DCDC2: variants seen among roughly 807,000 people sequenced by gnomAD.
DCDC2 encodes doublecortin domain-containing protein 2.
Under a neutral mutation model 50.2 loss-of-function variants are expected in DCDC2, and 40 were observed. The ratio of observed to expected loss-of-function variants is 0.80; its 90% CI spans 0.62 to 1.04. The LOEUF (loss-of-function observed/expected upper bound fraction) is 1.04, where lower values mean the gene tolerates loss of function less well. Among genes scored for constraint, DCDC2 ranks in the 50% least tolerant of loss-of-function variants. The pLI is 0.00. For missense variants in DCDC2, 570 were observed against 581.9 expected, an observed-to-expected ratio of 0.98 and a Z score of 0.21; for synonymous variants, 234 against 210.6, an observed-to-expected ratio of 1.11 and a Z score of -0.96.
chr6:24,241,048 A>G (rs2113791383), intron 7 of DCDC2, among the ~76,000 whole-genome samples: 1 of 152,306 alleles, frequency 6.6e-6, no homozygotes, highest in Middle Eastern at 3.4e-3. Flanking sequence ...AGGATTCAAG[A>G]ATTTGTCATT....
intron 7 of DCDC2, among the ~76,000 whole-genome samples, chr6:24,269,567 G>A (rs1458029459): frequency 6.6e-6 from 1 of 152,076 alleles, no homozygotes; most frequent in African/African-American, 2.4e-5. Context: ...TACATGGTAG[G>A]GACTCAATAA....
At chr6:24,200,420 C>T (rs1241239820) in intron 8 of DCDC2, among the ~76,000 whole-genome samples, 5 of 151,988 alleles carry the variant, frequency 3.3e-5, no homozygotes, top group East Asian at 1.9e-4. Flanking sequence ...GCTTCATAAG[C>T]GAAGGAGAAA....
upstream of DCDC2, among the ~76,000 whole-genome samples, chr6:24,358,837 A>ATTTTATTTATT (rs10634203): frequency 1.9e-5 from 1 of 51,726 alleles, no homozygotes; most frequent in Non-Finnish European, 3.2e-5. Flanking sequence ...ATATTTATAT[A>ATTTTATTTATT]TATATTTATA....
chr6:24,248,282 G>A (rs977579046), intron 7 of DCDC2, among the ~76,000 whole-genome samples: 6 of 152,150 alleles, frequency 3.9e-5, no homozygotes, highest in African/African-American at 4.8e-5. Flanking sequence ...GGTGCAGTGC[G>A]GGGGAGCAGT....
chr6:24,265,529 A>C (rs1481520330), intron 7 of DCDC2, among the ~76,000 whole-genome samples: 2 of 149,456 alleles, frequency 1.3e-5, no homozygotes, highest in African/African-American at 4.9e-5. Context: ...ACAAGTTTTA[A>C]AAAAACTCAA....
chr6:24,305,424 G>A (rs1759452787), intron 2 of DCDC2, among the ~76,000 whole-genome samples: 1 of 152,138 alleles, frequency 6.6e-6, no homozygotes, highest in East Asian at 1.9e-4. Flanking sequence ...TAGTATACCT[G>A]AATTGTAAAA....
intron 7 of DCDC2, among the ~76,000 whole-genome samples, chr6:24,263,338 A>T (rs1763052898): frequency 6.6e-6 from 1 of 152,244 alleles, no homozygotes. Context: ...GGACATCAAC[A>T]AACATCCAAA....
At chr6:24,235,407 T>TA (rs757742471) in intron 7 of DCDC2, among the ~76,000 whole-genome samples, 1 of 152,210 alleles carries the variant, frequency 6.6e-6, no homozygotes, top group South Asian at 2.1e-4. Context: ...AGCAAAATAC[T>TA]AACAAACCAA....
At chr6:24,259,034 T>G (rs909749525) in intron 7 of DCDC2, among the ~76,000 whole-genome samples, 2 of 152,206 alleles carry the variant, frequency 1.3e-5, no homozygotes, top group Non-Finnish European at 2.9e-5. Context: ...TCAGAGAACT[T>G]TTGTTCATAT....
At chr6:24,251,968 G>T (rs983014906) in intron 7 of DCDC2, among the ~76,000 whole-genome samples, 1 of 152,262 alleles carries the variant, frequency 6.6e-6, no homozygotes, top group East Asian at 1.9e-4. Flanking sequence ...CTGTCTAAAT[G>T]TAATAGCTTG....
At chr6:24,229,313 G>A (rs912333199) in intron 7 of DCDC2, among the ~76,000 whole-genome samples, 3 of 152,082 alleles carry the variant, frequency 2.0e-5, no homozygotes, top group South Asian at 2.1e-4. Flanking sequence ...CCTTAGAGCC[G>A]GCCATGGCTC....
rs561161720 is a variant in DCDC2, at chr6:24,234,276, T to C, written c.923-29174A>G. Among the ~76,000 whole-genome samples the C allele has an allele frequency of 1.1e-4, 17 of 151,134 alleles. No individual in the cohort carries two copies. The South Asian group carries it at 1.5e-3, about 13-fold the overall frequency. On this transcript the variant is annotated intron_variant, in intron 7 of 9. Transcript: ENST00000378454. ...GGGGCACAGAGGAAATTACAAGCCATTGAATGTAGTGAGCGATCAAGCCCA... is the reference window on the plus strand; with the variant it reads ...GGGGCACAGAGGAAATTACAAGCCACTGAATGTAGTGAGCGATCAAGCCCA...
chr6:24,277,519 T>C (rs1763387455), intron 7 of DCDC2, among the ~76,000 whole-genome samples: 1 of 152,264 alleles, frequency 6.6e-6, no homozygotes. Flanking sequence ...AATTTTTTAT[T>C]TTTATTTTAT....
At chr6:24,329,399 C>T (rs534897241) in intron 2 of DCDC2, among the ~76,000 whole-genome samples, 1 of 152,308 alleles carries the variant, frequency 6.6e-6, no homozygotes, top group South Asian at 2.1e-4. Context: ...TCTCTCTTTT[C>T]AACTTAGGTT....
intron 7 of DCDC2, among the ~76,000 whole-genome samples, chr6:24,207,826 G>A (rs927334743): frequency 9.2e-5 from 14 of 152,056 alleles, no homozygotes; most frequent in Non-Finnish European, 1.3e-4. Flanking sequence ...CTACACCCAC[G>A]TGTCCTCACC....
rs568728333 is a variant in DCDC2 at position 24,254,671 on chromosome 6, T to C, written c.922+23378A>G. ...GCATTCAGTGCACTCCTCAACTTGA[T>C]AGGCTAAGTCAGACCTGAAATTAAA... On this transcript the variant is annotated intron_variant, in intron 7 of 9. Transcript: ENST00000378454. Among the ~76,000 whole-genome samples the C allele has an allele frequency of 1.7e-3, 258 of 152,262 alleles. 2 individuals are homozygous for C. Among genetic ancestry groups the C allele is most frequent in the African/African-American group, 5.5e-3 (228 of 41,560 alleles).
At chr6:24,175,490 C>A (rs539699134) in intron 9 of DCDC2, among the ~76,000 whole-genome samples, 7 of 152,312 alleles carry the variant, frequency 4.6e-5, no homozygotes, top group Non-Finnish European at 7.4e-5. Context: ...CCACAGCCCC[C>A]ACAAGGGCAC....
chr6:24,362,556 A>G (rs1423563286), upstream of DCDC2, among the ~76,000 whole-genome samples: 1 of 150,868 alleles, frequency 6.6e-6, no homozygotes, highest in Non-Finnish European at 1.5e-5. Context: ...ATTTAATCGT[A>G]TATTTATAAA....
chr6:24,356,903 C>T lies in DCDC2; in HGVS notation c.293+555G>A, dbSNP rs546470434. On this transcript the variant is annotated intron_variant, in intron 1 of 9. Coordinates refer to ENST00000378454, the MANE Select transcript of DCDC2 (RefSeq NM_016356.5). Reference sequence around the variant, plus strand: ...ACAGTCAGCCAGTAAACTCTTCCTGCATTATGCTAACAGCATAAACATGCA... The same window carrying T: ...ACAGTCAGCCAGTAAACTCTTCCTGTATTATGCTAACAGCATAAACATGCA... 3.1e-4 allele frequency: 48 copies of T among 152,420 alleles called. 1 individual carries two copies. The highest frequency in any genetic ancestry group is 1.1e-3 in the African/African-American group (45 of 41,558). 9.4% of individuals were successfully genotyped at this position (152,420 alleles called of 1,614,324 possible). A position where few individuals can be genotyped will look rare whatever the true frequency, so the allele number is the denominator to read the frequency against.
Sources: allele counts gnomAD v4.1 joint callset (sites outside exome capture counted in the v4.1 genomes callset), GRCh38; gene constraint gnomAD v4.1.1; transcripts MANE v1.5; gene names NCBI Gene and HGNC (gene_info 2026-07-23, HGNC 2026-07-21).